The following ZFAND6 variants were observed in gnomAD, a reference collection of about 807,000 sequenced individuals.
ZFAND6 encodes AN1-type zinc finger protein 6.
In ZFAND6, 12 loss-of-function variants were observed where a neutral mutation model predicts 24.5. The ratio of observed to expected loss-of-function variants is 0.49; its 90% CI spans 0.31 to 0.79. ZFAND6 has a LOEUF of 0.79. Among genes scored for constraint, ZFAND6 ranks in the 30% least tolerant of loss-of-function variants. ZFAND6 has a pLI of 0.04. For missense variants in ZFAND6, 207 were observed against 245.9 expected (o/e 0.84, Z 1.06); for synonymous variants, 92 against 81.5 (o/e 1.13, Z -0.69).
chr15:80,106,085 T>C (rs889690536), intron 2 of ZFAND6, among the ~76,000 whole-genome samples: 24 of 152,198 alleles, frequency 1.6e-4, no homozygotes, highest in Admixed American at 1.3e-4. Context: ...CCTAAATATC[T>C]TTTACAGTGT....
chr15:80,061,325 C>T (rs183491913), intron 1 of ZFAND6, among the ~76,000 whole-genome samples: 4 of 151,998 alleles, frequency 2.6e-5, no homozygotes, highest in Non-Finnish European at 5.9e-5. Flanking sequence ...CAAATATGTG[C>T]AGTTTATTGT....
chr15:80,125,721 T>A (rs1467059559), intron 5 of ZFAND6, among the ~76,000 whole-genome samples: 4 of 152,350 alleles, frequency 2.6e-5, no homozygotes, highest in Non-Finnish European at 5.9e-5. Flanking sequence ...ACTCTAAAAC[T>A]GTTGAAGAAT....
rs1297503969 is a variant in ZFAND6, at chr15:80,091,446, ACCTTTC to A, written c.-180-6969_-180-6964del. ...TCTTTTGAAAGAAAAGGTAACCAGG[ACCTTTC>A]GTTCATTTGCTTTCGCAGAGTTCCG... is the stretch of plus-strand genomic sequence containing the variant. On this transcript the variant is annotated intron_variant, in intron 1 of 6. Transcript: ENST00000261749. Among the ~76,000 whole-genome samples, 595 of 152,256 alleles carry A rather than the reference ACCTTTC, an allele frequency of 3.9e-3. 4 individuals carry two copies. The highest frequency in any genetic ancestry group is 0.014 in the African/African-American group (569 of 41,528).
chr15:80,081,355 G>A (rs980837577), intron 1 of ZFAND6, among the ~76,000 whole-genome samples: 1 of 152,122 alleles, frequency 6.6e-6, no homozygotes, highest in African/African-American at 2.4e-5. Context: ...AAAAGTAGGG[G>A]ATATGAGTAT....
At chr15:80,118,310 A>G (rs142208289) in intron 2 of ZFAND6, among the ~76,000 whole-genome samples, 134 of 121,276 alleles carry the variant, frequency 1.1e-3, no homozygotes, top group African/African-American at 3.0e-3. Context: ...TTTTTAGTAG[A>G]GATGGGGTTT....
intron 1 of ZFAND6, among the ~76,000 whole-genome samples, chr15:80,080,170 G>A (rs1444451478): frequency 6.6e-6 from 1 of 151,502 alleles, no homozygotes; most frequent in African/African-American, 2.4e-5. Context: ...GCTAATTTTT[G>A]TATTTTAGTA....
intron 1 of ZFAND6, chr15:80,060,698 C>T (rs1363129090): frequency 6.6e-6 from 1 of 152,218 alleles, no homozygotes; most frequent in Non-Finnish European, 1.5e-5. Flanking sequence ...CCGACGCGGA[C>T]TAATCACGAG....
At chr15:80,064,265 C>G (rs2036487836) in intron 1 of ZFAND6, among the ~76,000 whole-genome samples, 1 of 152,050 alleles carries the variant, frequency 6.6e-6, no homozygotes. Flanking sequence ...AAATTTTGTC[C>G]TTAAAAGTTT....
chr15:80,100,430 G>C (rs924187520), intron 2 of ZFAND6, among the ~76,000 whole-genome samples: 2 of 152,176 alleles, frequency 1.3e-5, no homozygotes, highest in African/African-American at 4.8e-5. Context: ...TCACTGTAGA[G>C]GGTTTAGGGG....
chr15:80,131,733 G>A (rs773693350), intron 6 of ZFAND6, among the ~76,000 whole-genome samples: 59 of 152,338 alleles, frequency 3.9e-4, no homozygotes, highest in Non-Finnish European at 5.3e-4. Context: ...ATTAATATAT[G>A]TTGGCTACTG....
At chr15:80,136,992 G>A (rs1396665910) in intron 6 of ZFAND6, among the ~76,000 whole-genome samples, 4 of 152,162 alleles carry the variant, frequency 2.6e-5, no homozygotes, top group East Asian at 1.9e-4. Flanking sequence ...TCTAGATCCC[G>A]TGCTCTTCAC....
chr15:80,109,906 TG>T (rs888489383), intron 2 of ZFAND6, among the ~76,000 whole-genome samples: 3 of 152,200 alleles, frequency 2.0e-5, no homozygotes, highest in Admixed American at 2.0e-4. Flanking sequence ...CTCAGCTGTA[TG>T]GTTTTGGCCC....
chr15:80,098,914 C>T (rs1391848670), intron 2 of ZFAND6, among the ~76,000 whole-genome samples: 1 of 151,522 alleles, frequency 6.6e-6, no homozygotes, highest in Non-Finnish European at 1.5e-5. Flanking sequence ...TGATTTCAGC[C>T]ATTTAAAGTT....
intron 1 of ZFAND6, among the ~76,000 whole-genome samples, chr15:80,092,163 G>A (rs1001770621): frequency 2.0e-5 from 3 of 151,734 alleles, no homozygotes; most frequent in African/African-American, 7.3e-5. Context: ...AAGATTTATA[G>A]AAAAAATTTG....
chr15:80,077,445 AT>A (rs1425239828), intron 1 of ZFAND6, among the ~76,000 whole-genome samples: 1 of 152,178 alleles, frequency 6.6e-6, no homozygotes, highest in Non-Finnish European at 1.5e-5. Flanking sequence ...CCTCTAACAT[AT>A]TTTAAAGCAA....
At chr15:80,099,187 TCTC>T (rs2038896716) in intron 2 of ZFAND6, among the ~76,000 whole-genome samples, 1 of 152,088 alleles carries the variant, frequency 6.6e-6, no homozygotes, top group South Asian at 2.1e-4. Context: ...AGAAAAAAAA[TCTC>T]CTTTTCTTTC....
intron 2 of ZFAND6, among the ~76,000 whole-genome samples, chr15:80,109,086 C>G (rs2039480397): frequency 6.6e-6 from 1 of 152,164 alleles, no homozygotes; most frequent in Admixed American, 6.5e-5. Flanking sequence ...GCTGACAGAT[C>G]TAGATCTCTT....
intron 6 of ZFAND6, among the ~76,000 whole-genome samples, chr15:80,131,732 T>C (rs2040615020): frequency 6.6e-6 from 1 of 152,218 alleles, no homozygotes; most frequent in Non-Finnish European, 1.5e-5. Flanking sequence ...AATTAATATA[T>C]GTTGGCTACT....
chr15:80,124,944 A>G (rs1409076052), intron 5 of ZFAND6, among the ~76,000 whole-genome samples: 2 of 152,356 alleles, frequency 1.3e-5, no homozygotes, highest in Non-Finnish European at 1.5e-5. Context: ...TTATAAACAT[A>G]CACAAATATA....
Sources: allele counts gnomAD v4.1 joint callset (sites outside exome capture counted in the v4.1 genomes callset), GRCh38; gene constraint gnomAD v4.1.1; transcripts MANE v1.5; gene names NCBI Gene and HGNC (gene_info 2026-07-23, HGNC 2026-07-21).